The following RNF212 variants were observed in gnomAD, a reference collection of about 807,000 sequenced individuals.
RNF212 encodes the protein probable E3 SUMO-protein ligase RNF212.
In RNF212, 33 loss-of-function variants were observed where a neutral mutation model predicts 34.7. That is an observed-to-expected ratio of 0.95 (90% CI 0.72 to 1.27). The LOEUF (loss-of-function observed/expected upper bound fraction) is 1.27. Ranked by LOEUF, RNF212 falls within the 50% of genes most tolerant of loss-of-function variation. The pLI is 0.00. For missense variants in RNF212, 377 were observed against 362.2 expected (o/e 1.04, Z -0.33); for synonymous variants, 140 against 136.1 (o/e 1.03, Z -0.20).
intron 4 of RNF212, among the ~76,000 whole-genome samples, chr4:1,057,699 G>A (rs1363051000): frequency 1.3e-5 from 2 of 152,154 alleles, no homozygotes; most frequent in Non-Finnish European, 2.9e-5. Flanking sequence ...AGAACAGCAC[G>A]CAGTCACCAC....
chr4:1,071,153 T>C (rs1718458726), downstream of RNF212, among the ~76,000 whole-genome samples: 1 of 151,968 alleles, frequency 6.6e-6, no homozygotes, highest in Admixed American at 6.5e-5. Flanking sequence ...TTTTTCTGTG[T>C]GCTTGAAGTA....
chr4:1,095,595 T>C (rs565634916), intron 3 of RNF212, among the ~76,000 whole-genome samples: 2 of 89,502 alleles, frequency 2.2e-5, no homozygotes, highest in Non-Finnish European at 4.1e-5. Flanking sequence ...GGTCTCAGCA[T>C]AGCGCACCTG....
chr4:1,058,537 C>T, intron 3 of RNF212: 1 of 186,000 alleles, frequency 5.4e-6, no homozygotes, highest in Admixed American at 6.5e-5. Context: ...CAGAGCCACA[C>T]AGGCACGCGG....
At position 1,057,396 on chromosome 4, in the gene RNF212, G is replaced by C. The variant is rs150861394; in HGVS notation, n.221-893C>G. On this transcript the variant is annotated intron_variant and non_coding_transcript_variant, in intron 4 of 4. Coordinates refer to the RNF212 transcript ENST00000503206. Reference sequence around the variant, plus strand: ...ACACACGAGTTCGGTTGACAGAGACGTCGGTGTGTGCTTAAATATGCAGCA... The same window carrying C: ...ACACACGAGTTCGGTTGACAGAGACCTCGGTGTGTGCTTAAATATGCAGCA... Among the ~76,000 whole-genome samples, 250 of 152,274 alleles carry C rather than the reference G, an allele frequency of 1.6e-3. 6 individuals are homozygous for C. In the South Asian group the frequency reaches 0.044, roughly 27 times the overall value.
chr4:1,099,184 G>T (rs1476466775), intron 2 of RNF212, among the ~76,000 whole-genome samples: 1 of 152,202 alleles, frequency 6.6e-6, no homozygotes, highest in Non-Finnish European at 1.5e-5. Flanking sequence ...GATAAGCCAG[G>T]TGCCGGAATT....
chr4:1,074,463 C>A (rs1189855107), intron 8 of RNF212, among the ~76,000 whole-genome samples: 4 of 152,214 alleles, frequency 2.6e-5, no homozygotes, highest in Admixed American at 2.6e-4. Flanking sequence ...AGCCACCCCA[C>A]AGATCCTTTA....
intron 2 of RNF212, chr4:1,101,234 C>G (rs900826291): frequency 3.1e-6 from 1 of 320,922 alleles, no homozygotes; most frequent in African/African-American, 2.2e-5. Flanking sequence ...TCTACACACC[C>G]CATCTTCCTC....
At chr4:1,088,983 G>A (rs946033471) in intron 4 of RNF212, among the ~76,000 whole-genome samples, 1 of 152,250 alleles carries the variant, frequency 6.6e-6, no homozygotes, top group African/African-American at 2.4e-5. Context: ...GAGCCCTCAT[G>A]GAGAACCTCT....
intron 3 of RNF212, among the ~76,000 whole-genome samples, chr4:1,065,277 C>T (rs73793932): frequency 0.018 from 2,709 of 152,292 alleles, 78 homozygotes; most frequent in African/African-American, 0.062. Flanking sequence ...AATTCCTCCG[C>T]GTCCTTAACA....
intron 2 of RNF212, among the ~76,000 whole-genome samples, chr4:1,107,862 T>A (rs141420667): frequency 6.6e-6 from 1 of 152,350 alleles, no homozygotes; most frequent in African/African-American, 2.4e-5. Flanking sequence ...TCAGACCAAA[T>A]GCACATTTTG....
At chr4:1,064,850 C>T (rs543258129) in intron 3 of RNF212, among the ~76,000 whole-genome samples, 6 of 152,342 alleles carry the variant, frequency 3.9e-5, no homozygotes, top group South Asian at 2.1e-4. Context: ...TCCTACTTTC[C>T]GTCTCTACGA....
At chr4:1,099,328 G>C (rs1341258128) in intron 2 of RNF212, among the ~76,000 whole-genome samples, 1 of 152,188 alleles carries the variant, frequency 6.6e-6, no homozygotes, top group Middle Eastern at 3.2e-3. Flanking sequence ...AAATAATAAA[G>C]GAATTCCCTG....
intron 8 of RNF212, among the ~76,000 whole-genome samples, chr4:1,077,928 C>G (rs897624623): frequency 6.6e-6 from 1 of 152,158 alleles, no homozygotes; most frequent in South Asian, 2.1e-4. Flanking sequence ...CAGAGGTGAG[C>G]TGGGCAGGGA....
chr4:1,062,001 TA>T (rs1717783446), intron 3 of RNF212, among the ~76,000 whole-genome samples: 1 of 152,152 alleles, frequency 6.6e-6, no homozygotes, highest in Non-Finnish European at 1.5e-5. Flanking sequence ...CCAGAGCGGC[TA>T]CCGTAAATGA....
At chr4:1,075,302 C>T (rs1719101874) in intron 8 of RNF212, among the ~76,000 whole-genome samples, 1 of 152,144 alleles carries the variant, frequency 6.6e-6, no homozygotes, top group Non-Finnish European at 1.5e-5. Flanking sequence ...CGATAAATAC[C>T]AGAGACTGTG....
chr4:1,098,636 C>T (rs565023610), intron 2 of RNF212, among the ~76,000 whole-genome samples: 1 of 152,330 alleles, frequency 6.6e-6, no homozygotes, highest in Admixed American at 6.5e-5. Context: ...ATCAGGAGCT[C>T]AGAGTCTGGC....
intron 4 of RNF212, among the ~76,000 whole-genome samples, chr4:1,058,067 A>T (rs1468855715): frequency 6.6e-6 from 1 of 152,210 alleles, no homozygotes; most frequent in Non-Finnish European, 1.5e-5. Context: ...CGGCTAAAAA[A>T]AAAAAAAGCA....
At chr4:1,099,787 C>G (rs780323670) in intron 2 of RNF212, 4 of 456,126 alleles carry the variant, frequency 8.8e-6, no homozygotes, top group African/African-American at 2.0e-5. Context: ...GGAAATCAAC[C>G]CTGGTGCAGA....
intron 2 of RNF212, chr4:1,099,891 C>T (rs1391057661): frequency 2.2e-6 from 1 of 456,146 alleles, no homozygotes. Context: ...TAAAGGCGTG[C>T]TGTTGGTGAC....
Sources: allele counts gnomAD v4.1 joint callset (sites outside exome capture counted in the v4.1 genomes callset), GRCh38; gene constraint gnomAD v4.1.1; transcripts MANE v1.5; gene names NCBI Gene and HGNC (gene_info 2026-07-23, HGNC 2026-07-21).